DOK6: variants seen among roughly 807,000 people sequenced by gnomAD.
The protein encoded by DOK6 is docking protein 6.
DOK6 carries 22 observed loss-of-function variants against 44.0 expected under a neutral mutation model. That is an observed-to-expected ratio of 0.50 (90% CI 0.36 to 0.71). The LOEUF (loss-of-function observed/expected upper bound fraction) is 0.71, where lower values mean the gene tolerates loss of function less well. DOK6 is among the 30% of genes least tolerant of loss of function. DOK6 has a pLI of 0.00. For synonymous variants in DOK6, 166 were observed against 145.5 expected (o/e 1.14, Z -1.01); for missense variants, 340 against 416.4 (o/e 0.82, Z 1.60).
intron 6 of DOK6, among the ~76,000 whole-genome samples, chr18:69,743,110 A>G (rs973170267): frequency 6.6e-6 from 1 of 152,244 alleles, no homozygotes; most frequent in Non-Finnish European, 1.5e-5. Context: ...CTTCATTTTC[A>G]AACTACAAAC....
At chr18:69,436,947 TAAAC>T (rs1317541434) in intron 1 of DOK6, among the ~76,000 whole-genome samples, 3 of 152,156 alleles carry the variant, frequency 2.0e-5, no homozygotes, top group Non-Finnish European at 4.4e-5. Flanking sequence ...GTTGCCTGCA[TAAAC>T]GTCTTTTGAG....
At chr18:69,764,589 G>T (rs567729190) in intron 7 of DOK6, among the ~76,000 whole-genome samples, 1 of 152,118 alleles carries the variant, frequency 6.6e-6, no homozygotes, top group African/African-American at 2.4e-5. Context: ...CCCTTCCGCC[G>T]GGATTGTAAG....
intron 7 of DOK6, among the ~76,000 whole-genome samples, chr18:69,774,548 T>G (rs1980003922): frequency 6.7e-6 from 1 of 149,704 alleles, no homozygotes; most frequent in African/African-American, 2.5e-5. Context: ...GATCTCATGT[T>G]AAGTGTTCTT....
chr18:69,777,367 GA>G (rs1245458904), intron 7 of DOK6, among the ~76,000 whole-genome samples: 1 of 151,906 alleles, frequency 6.6e-6, no homozygotes, highest in Non-Finnish European at 1.5e-5. Context: ...AATTATATTA[GA>G]GGTATGATAT....
intron 1 of DOK6, among the ~76,000 whole-genome samples, chr18:69,434,954 G>GGAA (rs1568256358): frequency 0.01 from 631 of 62,962 alleles, 30 homozygotes; most frequent in African/African-American, 0.023. Context: ...GAGGGAGGGA[G>GGAA]GGAAGGAAGG....
intron 4 of DOK6, among the ~76,000 whole-genome samples, chr18:69,682,426 G>A (rs532922385): frequency 2.0e-5 from 3 of 152,308 alleles, no homozygotes; most frequent in East Asian, 1.9e-4. Context: ...GTTAGACTGG[G>A]TTGTGCTGAG....
chr18:69,633,337 A>G (rs1263180315), intron 3 of DOK6, among the ~76,000 whole-genome samples: 3 of 152,206 alleles, frequency 2.0e-5, no homozygotes, highest in African/African-American at 4.8e-5. Flanking sequence ...CGAAGCTCAT[A>G]CATCTCATTA....
chr18:69,443,984 C>G (rs1979210018), intron 1 of DOK6, among the ~76,000 whole-genome samples: 1 of 151,918 alleles, frequency 6.6e-6, no homozygotes, highest in Non-Finnish European at 1.5e-5. Flanking sequence ...TATACACACA[C>G]AATACACATA....
intron 4 of DOK6, among the ~76,000 whole-genome samples, chr18:69,696,790 A>G (rs1986399671): frequency 6.6e-6 from 1 of 152,218 alleles, no homozygotes; most frequent in South Asian, 2.1e-4. Context: ...TATGATGGGA[A>G]TGTGACTGAT....
intron 3 of DOK6, chr18:69,661,477 A>C (rs1260550889): frequency 6.6e-6 from 1 of 152,202 alleles, no homozygotes; most frequent in Non-Finnish European, 1.5e-5. Flanking sequence ...CAAAAAGAAG[A>C]GACTATGGGC....
intron 1 of DOK6, among the ~76,000 whole-genome samples, chr18:69,422,069 G>A (rs1360583108): frequency 6.6e-6 from 1 of 152,110 alleles, no homozygotes; most frequent in East Asian, 1.9e-4. Context: ...TACCCTAACG[G>A]TTTCCAGCCC....
Position 69,842,482 on chromosome 18 carries a change from GAGA to G in DOK6, c.*1104_*1106del, listed in dbSNP as rs1173386422. On this transcript the variant is annotated 3_prime_UTR_variant, in exon 8 of 8. Coordinates refer to ENST00000382713, the MANE Select transcript of DOK6 (RefSeq NM_152721.6). ...AAGAACTCAGCTATTTTGCAGTAAA[GAGA>G]AGAACAAAATGGGTACAGGATTGTG... 1.3e-5 allele frequency: 2 copies of G among 152,322 alleles called. No individual in the cohort carries two copies. The highest frequency in any genetic ancestry group is 1.9e-4 in the East Asian group (1 of 5,186). The allele number at this position is 152,322 out of a possible 1,614,324, so 9.4% of individuals were successfully genotyped here. A position where few individuals can be genotyped will look rare whatever the true frequency, so the allele number is the denominator to read the frequency against.
Position 69,513,356 on chromosome 18 carries a change from G to A in DOK6, c.67-51131G>A, listed in dbSNP as rs1219545241. 4.6e-5 allele frequency among the ~76,000 whole-genome samples: 7 copies of A among 152,122 alleles called. No homozygotes were observed. The East Asian group carries it at 5.8e-4, about 13-fold the overall frequency. On this transcript the variant is annotated intron_variant, in intron 1 of 7. Transcript: ENST00000382713. The stretch of plus-strand genomic sequence containing the variant: ...CAGACACACGCCTTTGAGCACGTGC[G>A]TGGGTGCGCACACACATATACTCAC...
chr18:69,734,147 A>AT (rs200520619), intron 5 of DOK6, among the ~76,000 whole-genome samples: 9,891 of 147,714 alleles, frequency 0.067, 350 homozygotes, highest in Middle Eastern at 0.11. Flanking sequence ...ATGGATTCAA[A>AT]TTTTTTTTTT....
intron 1 of DOK6, among the ~76,000 whole-genome samples, chr18:69,507,171 G>T (rs1981215383): frequency 6.6e-6 from 1 of 151,950 alleles, no homozygotes; most frequent in Non-Finnish European, 1.5e-5. Context: ...GAGACTACAG[G>T]CGCGTGCCAC....
intron 1 of DOK6, among the ~76,000 whole-genome samples, chr18:69,513,463 C>T (rs542926834): frequency 1.3e-5 from 2 of 152,334 alleles, no homozygotes; most frequent in African/African-American, 4.8e-5. Context: ...CTTCCAGTCA[C>T]TCCAGATAAT....
intron 7 of DOK6, among the ~76,000 whole-genome samples, chr18:69,824,000 A>G (rs575637570): frequency 1.4e-4 from 22 of 152,294 alleles, no homozygotes; most frequent in African/African-American, 4.8e-4. Flanking sequence ...AAAAAAAGCA[A>G]ACAGAAACTT....
At chr18:69,442,597 A>C (rs72957406) in intron 1 of DOK6, among the ~76,000 whole-genome samples, 1 of 152,072 alleles carries the variant, frequency 6.6e-6, no homozygotes, top group African/African-American at 2.4e-5. Flanking sequence ...TTTGGATTAC[A>C]ATTCAAGATG....
intron 3 of DOK6, among the ~76,000 whole-genome samples, chr18:69,617,875 A>G (rs1984349458): frequency 6.6e-6 from 1 of 152,148 alleles, no homozygotes; most frequent in Non-Finnish European, 1.5e-5. Flanking sequence ...CCTAACCTCC[A>G]GTACCTGTGA....
Sources: allele counts gnomAD v4.1 joint callset (sites outside exome capture counted in the v4.1 genomes callset), GRCh38; gene constraint gnomAD v4.1.1; transcripts MANE v1.5; gene names NCBI Gene and HGNC (gene_info 2026-07-23, HGNC 2026-07-21).